The following XPO4 variants were observed in gnomAD, a reference collection of about 807,000 sequenced individuals.
XPO4 encodes the protein exportin 4.
A neutral mutation model predicts 143.0 loss-of-function variants in XPO4; 39 were observed. The observed-to-expected ratio is 0.27, with a 90% confidence interval of 0.21 to 0.36. XPO4 has a LOEUF of 0.36. XPO4 is among the 10% of genes least tolerant of loss of function. The pLI is 1.00. For synonymous variants in XPO4, 439 were observed against 474.0 expected, an observed-to-expected ratio of 0.93 and a Z score of 0.96; for missense variants, 907 against 1,348.0, an observed-to-expected ratio of 0.67 and a Z score of 5.12.
Position 20,777,879 on chromosome 13 carries a change from G to T in XPO4, c.*5843C>A, listed in dbSNP as rs2059102590. 6.6e-6 allele frequency: 1 copy of T among 152,096 alleles called. No individual in the cohort carries two copies. The highest frequency in any genetic ancestry group is 2.1e-4 in the South Asian group (1 of 4,824). 9.4% of individuals were successfully genotyped at this position (152,096 alleles called of 1,614,324 possible). On this transcript the variant is annotated 3_prime_UTR_variant, in exon 23 of 23. Transcript: ENST00000255305. ...CAGACTGAGACAGGATGCTGCTGGGGGTGCTGTATGGAATTTCCCAGCAAA... is the reference window on the plus strand; with the variant it reads ...CAGACTGAGACAGGATGCTGCTGGGTGTGCTGTATGGAATTTCCCAGCAAA...
At chr13:20,790,409 T>C in intron 19 of XPO4, 53 bp downstream of exon 19, 2 of 1,363,316 alleles carry the variant, frequency 1.5e-6, no homozygotes, top group South Asian at 2.3e-5. Flanking sequence ...CTAAAGTATC[T>C]TTGAACTTCA....
intron 1 of XPO4, among the ~76,000 whole-genome samples, chr13:20,872,692 T>C (rs1209906172): frequency 6.6e-6 from 1 of 152,132 alleles, no homozygotes; most frequent in African/African-American, 2.4e-5. Flanking sequence ...ATGTAAAGAA[T>C]AAGTAATTTG....
chr13:20,879,091 CAT>C (rs1410277847), intron 1 of XPO4: 15 of 984,344 alleles, frequency 1.5e-5, no homozygotes, highest in Non-Finnish European at 1.8e-5. Context: ...TGCAAGCACT[CAT>C]GTGTTTACCC....
chr13:20,870,013 T>G (rs2060279392), intron 1 of XPO4, among the ~76,000 whole-genome samples: 1 of 146,856 alleles, frequency 6.8e-6, no homozygotes, highest in African/African-American at 2.6e-5. Context: ...AGCATGAGAA[T>G]CGCTTGAACC....
rs1786568201 is a variant in XPO4, at chr13:20,781,573, C to G, written c.*2149G>C. 1 of 152,580 alleles carries G rather than the reference C, an allele frequency of 6.6e-6. No individual in the cohort carries two copies. Among genetic ancestry groups the G allele is most frequent in the Non-Finnish European group, 1.5e-5 (1 of 68,028 alleles). The allele number at this position is 152,580 out of a possible 1,614,324, so 9.5% of individuals were successfully genotyped here. On this transcript the variant is annotated 3_prime_UTR_variant, in exon 23 of 23. Coordinates refer to ENST00000255305, the MANE Select transcript of XPO4 (RefSeq NM_022459.5). The stretch of plus-strand genomic sequence containing the variant: ...TCTATTTTTAGTATTGTAATAGGAT[C>G]TGGGCAAATTTTGCAAATATGTTGC...
intron 4 of XPO4, chr13:20,849,893 G>A (rs908722134): frequency 1.2e-6 from 1 of 823,908 alleles, no homozygotes; most frequent in African/African-American, 1.9e-5. Context: ...ATCACTTGAG[G>A]TCAGGAGTTC....
chr13:20,800,303 G>A lies in XPO4; in HGVS notation c.2000C>T (p.Ala667Val). 3 of 1,613,390 alleles carry A rather than the reference G, an allele frequency of 1.9e-6. No homozygotes were observed. The highest frequency in any genetic ancestry group is 2.5e-6 in the Non-Finnish European group (3 of 1,179,698). ...AGAACCCTCTGTATCTGCTCCGAACGCTGTACTGAATGGCAGACTTATCTT... is the reference window on the plus strand; with the variant it reads ...AGAACCCTCTGTATCTGCTCCGAACACTGTACTGAATGGCAGACTTATCTT... ...YDQISLPFST[A>V]FGADTEGSQW... is the part of the protein sequence containing the mutation. Residue 667 changes from alanine (A) to valine (V), a missense_variant, in exon 15 of 23, where the codon GCG becomes GTG. Physicochemically the swap from Ala to Val is moderately conservative, Grantham distance 64. Transcript: ENST00000255305.
chr13:20,881,891 T>C (rs947139637), intron 1 of XPO4, among the ~76,000 whole-genome samples: 4 of 151,898 alleles, frequency 2.6e-5, no homozygotes, highest in Admixed American at 6.6e-5. Flanking sequence ...GTGGATTACC[T>C]GAGGTCAGGA....
At chr13:20,789,740 T>C (rs1205109917) in intron 19 of XPO4, among the ~76,000 whole-genome samples, 3 of 151,184 alleles carry the variant, frequency 2.0e-5, no homozygotes, top group Non-Finnish European at 3.0e-5. Context: ...TCCTACTCCT[T>C]GTCTTTATCT....
intron 1 of XPO4, among the ~76,000 whole-genome samples, chr13:20,882,548 T>C (rs1286692274): frequency 1.3e-5 from 2 of 152,120 alleles, no homozygotes; most frequent in East Asian, 3.9e-4. Flanking sequence ...GTCATTTCAA[T>C]ATGAGATTTG....
intron 2 of XPO4, chr13:20,866,084 ATTTC>A: frequency 1.0e-6 from 1 of 985,420 alleles, no homozygotes; most frequent in Non-Finnish European, 1.2e-6. Context: ...GTTCTTGATT[ATTTC>A]TTTAACAAGA....
At position 20,780,158 on chromosome 13, in the gene XPO4, G is replaced by T. The variant is rs781401277; in HGVS notation, c.*3564C>A. On this transcript the variant is annotated 3_prime_UTR_variant, in exon 23 of 23. Coordinates refer to ENST00000255305, the MANE Select transcript of XPO4 (RefSeq NM_022459.5). ...CAAACAAACCTTAAGAAGTACCGAG[G>T]TTCCTTCTGACTTAAAAGGTTAATG... The T allele has an allele frequency of 1.3e-5, 2 of 152,102 alleles. No homozygotes were observed. Among genetic ancestry groups the T allele is most frequent in the Non-Finnish European group, 2.9e-5 (2 of 68,014 alleles). The allele number at this position is 152,102 out of a possible 1,614,324, so 9.4% of individuals were successfully genotyped here. A position where few individuals can be genotyped will look rare whatever the true frequency, so the allele number is the denominator to read the frequency against.
At chr13:20,869,943 A>C (rs1341167847) in intron 1 of XPO4, among the ~76,000 whole-genome samples, 1 of 152,088 alleles carries the variant, frequency 6.6e-6, no homozygotes, top group Non-Finnish European at 1.5e-5. Context: ...GTCTCTACTA[A>C]AAATATGAAA....
intron 1 of XPO4, among the ~76,000 whole-genome samples, chr13:20,872,868 AGTTTTCC>A (rs1157493794): frequency 5.3e-5 from 8 of 152,156 alleles, no homozygotes; most frequent in African/African-American, 1.4e-4. Flanking sequence ...CTTCCCTAAA[AGTTTTCC>A]TCCAGGACCC....
chr13:20,788,420 CTT>C (rs2059235706), intron 20 of XPO4, 64 bp downstream of exon 20: 3 of 1,550,936 alleles, frequency 1.9e-6, no homozygotes, highest in Non-Finnish European at 2.6e-6. Context: ...ACTTAAAAAA[CTT>C]TTCTTTAAAG....
intron 17 of XPO4, 67 bp from the exon 18 acceptor site, chr13:20,796,323 T>G: frequency 8.3e-7 from 1 of 1,198,374 alleles, no homozygotes; most frequent in South Asian, 2.4e-5. Context: ...TTTTAAAATA[T>G]AATCTATATA....
intron 1 of XPO4, among the ~76,000 whole-genome samples, chr13:20,893,346 C>CCG (rs2060536265): frequency 6.6e-6 from 1 of 152,144 alleles, no homozygotes; most frequent in Non-Finnish European, 1.5e-5. Flanking sequence ...TGGACAGAAA[C>CCG]AGTCTTATGG....
chr13:20,800,108 C>T lies in XPO4; in HGVS notation c.2147+48G>A, dbSNP rs577681204. 3.6e-5 allele frequency: 57 copies of T among 1,591,510 alleles called. No homozygotes were observed. In the East Asian group the frequency reaches 5.2e-4, roughly 14 times the overall value. On this transcript the variant is annotated intron_variant, in intron 15 of 22. Coordinates refer to ENST00000255305, the MANE Select transcript of XPO4 (RefSeq NM_022459.5). ...TACACTAAGAAGTGAAAAAGAGTTT[C>T]TCACCCACACACATACACACACAGT...
At position 20,796,177 on chromosome 13, in the gene XPO4, A is replaced by G. The variant is rs1170518082; in HGVS notation, c.2696T>C (p.Ile899Thr). Residue 899 changes from isoleucine (I) to threonine (T), a missense_variant, in exon 18 of 23, where the codon ATA (isoleucine) becomes ACA (threonine). Transcript: ENST00000255305. ...TTGCTCTTCTTCTGCTGTAACATCT[A>G]TTCTTTGCCGCCCTAAATTATTCTT... ...YSKNNLGRQRIDVTAEEEQYQ... is the reference protein window; with the variant it reads ...YSKNNLGRQRTDVTAEEEQYQ... The G allele has an allele frequency of 1.2e-6, 2 of 1,613,626 alleles. No homozygotes were observed. The highest frequency in any genetic ancestry group is 1.7e-6 in the Non-Finnish European group (2 of 1,179,942).
Sources: gnomAD v4.1 joint callset for allele counts (sites outside exome capture counted in the v4.1 genomes callset) on GRCh38, gnomAD v4.1.1 for gene constraint, MANE v1.5 for transcripts, NCBI Gene and HGNC (gene_info 2026-07-23, HGNC 2026-07-21) for gene names.